Variants in FKTN observed in about 807,000 individuals in gnomAD.
FKTN encodes fukutin.
In FKTN, 47 loss-of-function variants were observed where a neutral mutation model predicts 58.6. The observed-to-expected ratio is 0.80, with a 90% CI of 0.63 to 1.02. FKTN has a LOEUF of 1.02. Among genes scored for constraint, FKTN ranks in the 50% least tolerant of loss-of-function variants. The probability of loss-of-function intolerance (pLI) is 0.00; values close to 1 mark genes in which losing one functional copy is unlikely to be tolerated. For missense variants in FKTN, 516 were observed against 537.3 expected, an observed-to-expected ratio of 0.96 and a Z score of 0.39; for synonymous variants, 178 against 191.9, an observed-to-expected ratio of 0.93 and a Z score of 0.60.
intron 1 of FKTN, among the ~76,000 whole-genome samples, chr9:105,561,074 G>T (rs1838204611): frequency 6.6e-6 from 1 of 150,462 alleles, no homozygotes; most frequent in African/African-American, 2.4e-5. Flanking sequence ...AACAGAGCAA[G>T]AATCCGTCTC....
chr9:105,569,207 A>G (rs1379318786), intron 1 of FKTN, among the ~76,000 whole-genome samples: 1 of 152,142 alleles, frequency 6.6e-6, no homozygotes, highest in Non-Finnish European at 1.5e-5. Context: ...GTTAATGGGT[A>G]CAGCACACCA....
rs1182314837 is a variant in FKTN, at chr9:105,638,368, A to G, written c.*3104A>G. On this transcript the variant is annotated 3_prime_UTR_variant, in exon 11 of 11. Coordinates refer to ENST00000357998, the MANE Select transcript of FKTN (RefSeq NM_001079802.2). ...AAGTATTTTCTAGTTCAGAATTCAG[A>G]ATTCTTAGGCAACCTTCATACCTTT... is the stretch of plus-strand genomic sequence containing the variant. 3 of 985,308 alleles carry G rather than the reference A, an allele frequency of 3.0e-6. No individual in the cohort carries two copies. Among genetic ancestry groups the G allele is most frequent in the Admixed American group, 6.1e-5 (1 of 16,268 alleles). 61.0% of individuals were successfully genotyped at this position (985,308 alleles called of 1,614,324 possible).
At chr9:105,569,833 C>T (rs1369289540) in intron 1 of FKTN, among the ~76,000 whole-genome samples, 1 of 152,132 alleles carries the variant, frequency 6.6e-6, no homozygotes, top group Non-Finnish European at 1.5e-5. Context: ...TCTCTCCCAA[C>T]CACTGCCTCA....
rs552443870 is a variant in FKTN at position 105,608,023 on chromosome 9, T to C, written c.780+72T>C. 1.0e-4 allele frequency: 133 copies of C among 1,285,744 alleles called. No individual in the cohort carries two copies. In the African/African-American group the frequency reaches 1.7e-3, roughly 16 times the overall value. 79.6% of individuals were successfully genotyped at this position (1,285,744 alleles called of 1,614,324 possible). On this transcript the variant is annotated intron_variant, in intron 7 of 10. Transcript: ENST00000357998. The stretch of plus-strand genomic sequence containing the variant: ...GATTATTTTTAATATTTGAGGGTGG[T>C]AAGATGAAGGGGCTTATGGAAAATA...
chr9:105,632,219 G>C (rs1163020415), intron 10 of FKTN, among the ~76,000 whole-genome samples: 1 of 149,858 alleles, frequency 6.7e-6, no homozygotes, highest in East Asian at 2.0e-4. Flanking sequence ...ACTGAACAAT[G>C]AGATCACATG....
intron 6 of FKTN, 40 bp from the exon 7 acceptor site, chr9:105,607,766 TCCCTCCCTGTTTC>T: frequency 6.5e-7 from 1 of 1,535,508 alleles, no homozygotes; most frequent in Non-Finnish European, 9.0e-7. Flanking sequence ...CCTAATGTTC[TCCCTCCCTGTTTC>T]CCCCACCCCT....
chr9:105,568,587 A>G (rs1245832645), intron 1 of FKTN, among the ~76,000 whole-genome samples: 2 of 152,248 alleles, frequency 1.3e-5, no homozygotes, highest in African/African-American at 4.8e-5. Context: ...AACCATGATA[A>G]GATACCATCT....
intron 10 of FKTN, among the ~76,000 whole-genome samples, chr9:105,625,705 T>G (rs1425145397): frequency 1.3e-5 from 2 of 152,096 alleles, no homozygotes; most frequent in Admixed American, 6.6e-5. Context: ...ATCTTAGAGC[T>G]AGAGAAAAAT....
Position 105,607,918 on chromosome 9 carries a change from G to T in FKTN, c.747G>T (p.Glu249Asp). 1 of 1,612,022 alleles carries T rather than the reference G, an allele frequency of 6.2e-7. No individual in the cohort carries two copies. Among genetic ancestry groups the T allele is most frequent in the South Asian group, 1.1e-5 (1 of 91,050 alleles). ...AAGTACCACACTCTAGGTTTATTGAGTGTAGGTATAAAGAAGCTCGAGCAT... is the reference window on the plus strand; with the variant it reads ...AAGTACCACACTCTAGGTTTATTGATTGTAGGTATAAAGAAGCTCGAGCAT... Reference protein sequence around the residue: ...VEEVPHSRFIECRYKEARAFF... With the variant: ...VEEVPHSRFIDCRYKEARAFF... The change falls in exon 7 of 11, where the codon GAG (glutamate) becomes GAT (aspartate). Residue 249 changes from glutamate to aspartate, a missense_variant. Transcript: ENST00000357998.
chr9:105,632,299 G>T (rs980850260), intron 10 of FKTN, among the ~76,000 whole-genome samples: 9 of 151,586 alleles, frequency 5.9e-5, no homozygotes, highest in Non-Finnish European at 1.2e-4. Flanking sequence ...GGATAGCATC[G>T]GGAGATATAC....
chr9:105,593,142 T>G (rs1352114744), intron 3 of FKTN, among the ~76,000 whole-genome samples: 1 of 152,232 alleles, frequency 6.6e-6, no homozygotes, highest in Non-Finnish European at 1.5e-5. Flanking sequence ...TGGCATCTGC[T>G]TGGCTTCTGT....
intron 8 of FKTN, among the ~76,000 whole-genome samples, chr9:105,616,772 TG>T (rs1360229127): frequency 1.3e-5 from 2 of 152,166 alleles, no homozygotes; most frequent in Admixed American, 6.5e-5. Context: ...TTAATAATTA[TG>T]TTGGTACAAC....
At chr9:105,615,192 A>G in intron 7 of FKTN, 86 bp from the exon 8 acceptor site, 1 of 1,466,196 alleles carries the variant, frequency 6.8e-7, no homozygotes, top group African/African-American at 1.4e-5. Context: ...CCTGGGGTTA[A>G]TTTTCAAATT....
intron 8 of FKTN, among the ~76,000 whole-genome samples, chr9:105,616,524 C>A (rs1201204966): frequency 6.6e-6 from 1 of 152,134 alleles, no homozygotes; most frequent in African/African-American, 2.4e-5. Context: ...GGGTCTCTGT[C>A]CACTGTCCAT....
At chr9:105,596,694 G>T (rs749595834) in intron 4 of FKTN, 37 bp downstream of exon 4, 9 of 1,278,856 alleles carry the variant, frequency 7.0e-6, no homozygotes, top group Non-Finnish European at 1.0e-5. Flanking sequence ...CAATTATAAT[G>T]TTCATTTAGT....
Position 105,607,803 on chromosome 9 carries a change from T to G in FKTN, c.648-16T>G. Reference sequence around the variant, plus strand: ...TCCCCCACCCCTCATTAATAAATCTTAACTTTTGTTTTCAGGCCAGAGTTA... The same window carrying G: ...TCCCCCACCCCTCATTAATAAATCTGAACTTTTGTTTTCAGGCCAGAGTTA... On this transcript the variant is annotated splice_polypyrimidine_tract_variant and intron_variant, in intron 6 of 10. Transcript: ENST00000357998. 6.2e-7 allele frequency: 1 copy of G among 1,611,308 alleles called. No individual in the cohort carries two copies. Among genetic ancestry groups the G allele is most frequent in the Admixed American group, 1.7e-5 (1 of 59,954 alleles).
At chr9:105,617,264 G>T (rs1830996057) in intron 8 of FKTN, among the ~76,000 whole-genome samples, 1 of 152,134 alleles carries the variant, frequency 6.6e-6, no homozygotes. Context: ...ATAATATTAA[G>T]GTACATGTTT....
At chr9:105,601,991 A>G (rs1443798010) in intron 5 of FKTN, among the ~76,000 whole-genome samples, 3 of 152,252 alleles carry the variant, frequency 2.0e-5, no homozygotes, top group Non-Finnish European at 4.4e-5. Flanking sequence ...ACTGGAAGAC[A>G]TAATAAAGTA....
chr9:105,601,332 A>G lies in FKTN; in HGVS notation c.353A>G (p.His118Arg). The part of the protein sequence containing the change: ...RDFTAFALQY[H>R]LWKNEEGWFR... ...TTTACTGCATTTGCACTGCAGTATCACCTATGGAAGAATGAGGTAAGTGAC... is the reference window on the plus strand; with the variant it reads ...TTTACTGCATTTGCACTGCAGTATCGCCTATGGAAGAATGAGGTAAGTGAC... Residue 118 changes from histidine (H) to arginine (R), a missense_variant, in exon 5 of 11, where the codon CAC becomes CGC. Coordinates refer to ENST00000357998, the MANE Select transcript of FKTN (RefSeq NM_001079802.2). The G allele has an allele frequency of 6.2e-7, 1 of 1,602,658 alleles. No individual in the cohort carries two copies. Among genetic ancestry groups the G allele is most frequent in the Admixed American group, 1.7e-5 (1 of 60,010 alleles).
Sources: gnomAD v4.1 joint callset for allele counts (sites outside exome capture counted in the v4.1 genomes callset) on GRCh38, gnomAD v4.1.1 for gene constraint, MANE v1.5 for transcripts, NCBI Gene and HGNC (gene_info 2026-07-23, HGNC 2026-07-21) for gene names.